Variants in KANSL3 observed in about 807,000 individuals in gnomAD.
KANSL3 encodes the protein NSL complex protein NSL3.
In KANSL3, 16 loss-of-function variants were observed where a neutral mutation model predicts 89.2. That is an observed-to-expected ratio of 0.18 (90% confidence interval 0.12 to 0.27). The LOEUF (loss-of-function observed/expected upper bound fraction) is 0.27. KANSL3 is among the 10% of genes least tolerant of loss of function. The pLI is 1.00. For synonymous variants in KANSL3, 385 were observed against 419.7 expected, an observed-to-expected ratio of 0.92 and a Z score of 1.01; for missense variants, 879 against 1,110.6, an observed-to-expected ratio of 0.79 and a Z score of 2.96.
intron 11 of KANSL3, 21 bp from the exon 12 acceptor site, chr2:96,609,583 CAT>C: frequency 5.0e-6 from 8 of 1,597,460 alleles, no homozygotes; most frequent in South Asian, 3.3e-5. Context: ...AAAAGGATGA[CAT>C]GTTTACTTCT....
At chr2:96,586,444 T>C in the KANSL3 span, among the ~76,000 whole-genome samples, 1 of 152,174 alleles carries the variant, frequency 6.6e-6, no homozygotes, top group Admixed American at 6.5e-5. Context: ...ATTTTCTGTC[T>C]TTAATTATAA....
chr2:96,600,490 G>A, intron 20 of KANSL3: 11 of 985,364 alleles, frequency 1.1e-5, no homozygotes, highest in Non-Finnish European at 1.1e-5. Context: ...GTTGACCTCT[G>A]TGCAGTATTT....
At chr2:96,605,703 G>A (rs1176596308) in intron 14 of KANSL3, 192 bp from the exon 15 acceptor site, 2 of 440,044 alleles carry the variant, frequency 4.5e-6, no homozygotes, top group South Asian at 3.7e-5. Context: ...GTCCGTGGGG[G>A]ACCCCACTTT....
intron 15 of KANSL3, 21 bp downstream of exon 15, chr2:96,605,299 A>C: frequency 6.3e-7 from 1 of 1,594,424 alleles, no homozygotes; most frequent in South Asian, 1.1e-5. Context: ...GTTCTCATTT[A>C]ACGTACCAAG....
At chr2:96,631,573 A>G in intron 2 of KANSL3, 91 bp from the exon 3 acceptor site, 1 of 1,457,118 alleles carries the variant, frequency 6.9e-7, no homozygotes, top group Non-Finnish European at 9.4e-7. Context: ...TCTTTAATAC[A>G]GTCAGCTTTA....
the KANSL3 span, among the ~76,000 whole-genome samples, chr2:96,586,660 G>A: frequency 3.3e-5 from 5 of 152,274 alleles, no homozygotes; most frequent in Admixed American, 6.5e-5. Flanking sequence ...TTGTTGCCCA[G>A]GCTGGACTGC....
intron 14 of KANSL3, among the ~76,000 whole-genome samples, chr2:96,608,053 G>T (rs937125742): frequency 6.6e-6 from 1 of 152,166 alleles, no homozygotes; most frequent in Non-Finnish European, 1.5e-5. Context: ...TCTGAAACCT[G>T]TATGCAGAGA....
In KANSL3 at chr2:96,593,202, A is replaced by T; in HGVS notation, c.*2409T>A. On this transcript the variant is annotated 3_prime_UTR_variant, in exon 21 of 21. Transcript: ENST00000431828. ...TTTGGTGTTTTTAATTGTTTTTGTT[A>T]ATGTAAAAACAGAACCATCACAGCC... 1 of 446,456 alleles carries T rather than the reference A, an allele frequency of 2.2e-6. No individual in the cohort carries two copies. The highest frequency in any genetic ancestry group is 1.6e-5 in the South Asian group (1 of 62,990). 27.7% of individuals were successfully genotyped at this position (446,456 alleles called of 1,614,324 possible).
chr2:96,581,283 G>A, the KANSL3 span, among the ~76,000 whole-genome samples: 1 of 152,154 alleles, frequency 6.6e-6, no homozygotes, highest in African/African-American at 2.4e-5. Flanking sequence ...AATTAGCCAG[G>A]CGTGGTGGCA....
Position 96,602,135 on chromosome 2 carries a change from C to G in KANSL3, c.2463G>C (p.Gln821His), listed in dbSNP as rs1231047721. 1 of 1,584,348 alleles carries G rather than the reference C, an allele frequency of 6.3e-7. No homozygotes were observed. Among genetic ancestry groups the G allele is most frequent in the African/African-American group, 1.3e-5 (1 of 74,280 alleles). The part of the protein sequence containing the change: ...KLASSLPGLA[Q>H]ISNQASGLKV... ...ACTCACCTGATGCTTGGTTAGAGAT[C>G]TGAGCCAGGCCAGGGAGGCTGCTTG... Residue 821 changes from glutamine to histidine, a missense_variant, in exon 19 of 21, where the codon CAG (glutamine) becomes CAC (histidine). Physicochemically the swap from Gln to His is conservative, Grantham distance 24. Around this residue, in one of 6 missense-constraint regions of KANSL3, gnomAD observed 89 missense variants for 139.7 expected, o/e 0.64. Transcript: ENST00000431828.
At chr2:96,604,961 A>G (rs1397052301) in intron 15 of KANSL3, 98 bp from the exon 16 acceptor site, 1 of 958,598 alleles carries the variant, frequency 1.0e-6, no homozygotes, top group Admixed American at 2.8e-5. Flanking sequence ...ATTACGGACG[A>G]AAACTGGAAA....
intron 2 of KANSL3, among the ~76,000 whole-genome samples, chr2:96,635,073 G>A (rs745616000): frequency 4.6e-5 from 7 of 152,108 alleles, no homozygotes; most frequent in Non-Finnish European, 1.0e-4. Context: ...AAGATATCAC[G>A]ATTTCTGGCC....
chr2:96,619,584 C>T, intron 4 of KANSL3, 40 bp from the exon 5 acceptor site: 2 of 1,610,536 alleles, frequency 1.2e-6, no homozygotes, highest in Non-Finnish European at 1.7e-6. Flanking sequence ...ATGAGGACTA[C>T]CTGGTTAACA....
chr2:96,595,736 G>T (rs1489544691), intron 20 of KANSL3, 105 bp from the exon 21 acceptor site: 2 of 1,285,938 alleles, frequency 1.6e-6, no homozygotes, highest in South Asian at 1.4e-5. Flanking sequence ...TTATTTTAAA[G>T]AATTAATTCT....
intron 11 of KANSL3, chr2:96,610,205 T>C (rs1050733813): frequency 6.5e-6 from 1 of 152,806 alleles, no homozygotes; most frequent in Non-Finnish European, 1.5e-5. Flanking sequence ...TGTTTAACAT[T>C]TAGAAAATCA....
chr2:96,626,864 A>T (rs188612193), intron 3 of KANSL3, among the ~76,000 whole-genome samples: 1 of 152,356 alleles, frequency 6.6e-6, no homozygotes, highest in Admixed American at 6.5e-5. Context: ...AAAATGTTTT[A>T]GGGTTTCCAG....
intron 16 of KANSL3, 111 bp from the exon 17 acceptor site, chr2:96,604,491 C>A (rs901746625): frequency 7.9e-7 from 1 of 1,271,454 alleles, no homozygotes. Context: ...AGCAGACATA[C>A]ACCAAAAACC....
intron 9 of KANSL3, 94 bp downstream of exon 9, chr2:96,612,188 G>T: frequency 1.2e-6 from 1 of 862,544 alleles, no homozygotes; most frequent in Non-Finnish European, 2.0e-6. Flanking sequence ...AGTATCTAGC[G>T]CAGAGCCTGA....
At chr2:96,609,950 C>CA (rs35175492) in intron 11 of KANSL3, among the ~76,000 whole-genome samples, 12,645 of 21,614 alleles carry the variant, frequency 0.59, 5,751 homozygotes, top group Middle Eastern at 0.8. Flanking sequence ...GGCGCCACCT[C>CA]AAAAAAAAAA....
Sources: allele counts gnomAD v4.1 joint callset (sites outside exome capture counted in the v4.1 genomes callset), GRCh38; gene constraint gnomAD v4.1.1; regional missense constraint gnomAD v4.1.1; transcripts MANE v1.5; gene names NCBI Gene and HGNC (gene_info 2026-07-23, HGNC 2026-07-21).